The following ZP4 variants were observed in gnomAD, a reference collection of about 807,000 sequenced individuals.
The protein encoded by ZP4 is zona pellucida sperm-binding protein 4.
A neutral mutation model predicts 62.3 loss-of-function variants in ZP4; 62 were observed. The ratio of observed to expected loss-of-function variants is 0.99; its 90% CI spans 0.81 to 1.23. The LOEUF is 1.23. Ranked by LOEUF, ZP4 falls within the 50% of genes most tolerant of loss-of-function variation. ZP4 has a pLI of 0.00. For synonymous variants in ZP4, 289 were observed against 247.3 expected, an observed-to-expected ratio of 1.17 and a Z score of -1.58; for missense variants, 774 against 656.0, an observed-to-expected ratio of 1.18 and a Z score of -1.97.
At chr1:237,883,996 ACACACACACAC>A (rs1558530839) in intron 10 of ZP4, among the ~76,000 whole-genome samples, 17 of 71,408 alleles carry the variant, frequency 2.4e-4, no homozygotes, top group Admixed American at 8.2e-4. Context: ...ACACACACAC[ACACACACACAC>A]ACACACACAA....
rs761300373 is a variant in ZP4 at position 237,890,548 on chromosome 1, T to C, written c.88A>G (p.Ser30Gly). 1 of 1,614,090 alleles carries C rather than the reference T, an allele frequency of 6.2e-7. No homozygotes were observed. Among genetic ancestry groups the C allele is most frequent in the South Asian group, 1.1e-5 (1 of 91,070 alleles). ...QHKPEAPDYS[S>G]VLHCGPWSFQ... is the part of the protein sequence containing the mutation. ...CTCCACGGCCCACAGTGGAGCACAC[T>C]GGAATAATCTGGTGCCTCAGGCTTA... Residue 30 changes from serine (S) to glycine (G), a missense_variant, in exon 1 of 12, where the codon AGT (serine) becomes GGT (glycine). Coordinates refer to ENST00000366570, the MANE Select transcript of ZP4 (RefSeq NM_021186.5).
intron 3 of ZP4, among the ~76,000 whole-genome samples, 178 bp from the exon 4 acceptor site, chr1:237,888,688 G>A (rs1368913015): frequency 6.6e-6 from 1 of 152,180 alleles, no homozygotes; most frequent in Non-Finnish European, 1.5e-5. Flanking sequence ...GTCTTGGGAG[G>A]TTGTCAACAT....
chr1:237,889,367 G>A (rs931790863), intron 3 of ZP4, among the ~76,000 whole-genome samples: 1 of 144,390 alleles, frequency 6.9e-6, no homozygotes, highest in Non-Finnish European at 1.5e-5. Context: ...TGCCCAGGCT[G>A]TAGTGCAAGG....
Position 237,889,889 on chromosome 1 carries a change from G to A in ZP4, c.378C>T (p.Leu126=), listed in dbSNP as rs1234431197. 7 of 1,598,770 alleles carry A rather than the reference G, an allele frequency of 4.4e-6. No homozygotes were observed. Residue 126 remains leucine, a synonymous_variant, in exon 3 of 12, where the codon CTC becomes CTT. Coordinates refer to ENST00000366570, the MANE Select transcript of ZP4 (RefSeq NM_021186.5). ...EHKVVTERKL[L]KCPMDLLARD... ...TACCTAGAAGATCCATAGGACACTT[G>A]AGCAGCTTCCTCTCTGTAACCACCT...
At position 237,890,530 on chromosome 1, in the gene ZP4, G is replaced by A. The variant is rs1471770210; in HGVS notation, c.106C>T (p.Pro36Ser). The change falls in exon 1 of 12, where the codon CCG becomes TCG. Residue 36 changes from proline (P) to serine (S), a missense_variant. Physicochemically the swap from Pro to Ser is moderately conservative, Grantham distance 74. Transcript: ENST00000366570. Reference protein sequence around the residue: ...PDYSSVLHCGPWSFQFAVNLN... With the variant: ...PDYSSVLHCGSWSFQFAVNLN... ...TTTACAGCAAACTGGAAGCTCCACGGCCCACAGTGGAGCACACTGGAATAA... is the reference window on the plus strand; with the variant it reads ...TTTACAGCAAACTGGAAGCTCCACGACCCACAGTGGAGCACACTGGAATAA... 2 of 1,614,074 alleles carry A rather than the reference G, an allele frequency of 1.2e-6. No homozygotes were observed. Among genetic ancestry groups the A allele is most frequent in the Middle Eastern group, 1.7e-4 (1 of 6,060 alleles).
At chr1:237,883,983 A>ACACACAAAC (rs1665013477) in intron 10 of ZP4, among the ~76,000 whole-genome samples, 7 of 42,402 alleles carry the variant, frequency 1.7e-4, no homozygotes, top group South Asian at 8.6e-4. Context: ...CACACACACA[A>ACACACAAAC]ACACACACAC....
chr1:237,890,529 G>A lies in ZP4; in HGVS notation c.107C>T (p.Pro36Leu), dbSNP rs759879282. ...PDYSSVLHCGPWSFQFAVNLN... is the reference protein window; with the variant it reads ...PDYSSVLHCGLWSFQFAVNLN... ...GTTTACAGCAAACTGGAAGCTCCAC[G>A]GCCCACAGTGGAGCACACTGGAATA... is the stretch of plus-strand genomic sequence containing the variant. The change falls in exon 1 of 12, where the codon CCG becomes CTG. Residue 36 changes from proline (P) to leucine (L), a missense_variant. Pro to Leu is a moderately conservative substitution (Grantham distance 98, BLOSUM62 -3). Coordinates refer to ENST00000366570, the MANE Select transcript of ZP4 (RefSeq NM_021186.5). The A allele has an allele frequency of 9.3e-6, 15 of 1,614,020 alleles. No individual in the cohort carries two copies. Among genetic ancestry groups the A allele is most frequent in the South Asian group, 2.2e-5 (2 of 91,072 alleles).
intron 10 of ZP4, among the ~76,000 whole-genome samples, chr1:237,884,025 CACACACAA>C (rs1421419266): frequency 0.037 from 3,738 of 100,684 alleles, 106 homozygotes; most frequent in East Asian, 0.12. Flanking sequence ...CAAACACACA[CACACACAA>C]ACACACACAA....
intron 5 of ZP4, among the ~76,000 whole-genome samples, 170 bp from the exon 6 acceptor site, chr1:237,887,038 C>T (rs942438477): frequency 6.6e-5 from 10 of 152,124 alleles, no homozygotes; most frequent in African/African-American, 2.4e-4. Context: ...ATCACTTCGC[C>T]TTATCTCAGG....
intron 6 of ZP4, 33 bp downstream of exon 6, chr1:237,886,738 G>T: frequency 1.9e-6 from 3 of 1,569,720 alleles, no homozygotes; most frequent in Non-Finnish European, 2.6e-6. Flanking sequence ...CCACCTTATG[G>T]CAGATGGGAA....
chr1:237,884,641 C>G lies in ZP4; in HGVS notation c.1390+128G>C, dbSNP rs75316020. The G allele has an allele frequency of 2.0e-5, 16 of 791,572 alleles. No homozygotes were observed. In the East Asian group the frequency reaches 3.0e-4, roughly 15 times the overall value. 49.0% of individuals were successfully genotyped at this position (791,572 alleles called of 1,614,324 possible). Reference sequence around the variant, plus strand: ...GCTAGTCATCTTTGTTCTATGGCACCGCAAGTACTTAGAGAAGCCTTAGTA... The same window carrying G: ...GCTAGTCATCTTTGTTCTATGGCACGGCAAGTACTTAGAGAAGCCTTAGTA... On this transcript the variant is annotated intron_variant, in intron 10 of 11. Transcript: ENST00000366570.
chr1:237,884,051 CAAACACACACAAACACACACAA>C (rs1558531283), intron 10 of ZP4, among the ~76,000 whole-genome samples: 1 of 135,702 alleles, frequency 7.4e-6, no homozygotes, highest in African/African-American at 3.4e-5. Flanking sequence ...CAAACACACA[CAAACACACACAAACACACACAA>C]ACACACACAA....
At chr1:237,883,710 AGGGCGGGGG>A (rs1664982976) in intron 10 of ZP4, among the ~76,000 whole-genome samples, 1 of 17,482 alleles carries the variant, frequency 5.7e-5, no homozygotes, top group South Asian at 3.4e-3. Flanking sequence ...AGGGCGGGGG[AGGGCGGGGG>A]AGGGCGGGGG....
At chr1:237,888,322 C>T (rs1334547245) in intron 4 of ZP4, 36 bp downstream of exon 4, 3 of 1,505,480 alleles carry the variant, frequency 2.0e-6, no homozygotes, top group East Asian at 2.4e-5. Flanking sequence ...TGCCACACTT[C>T]CTCAGCTGGT....
rs1664941336 is a variant in ZP4 at position 237,882,550 on chromosome 1, C to T, written c.1496-1G>A. 1 of 1,593,924 alleles carries T rather than the reference C, an allele frequency of 6.3e-7. No homozygotes were observed. Among genetic ancestry groups the T allele is most frequent in the Non-Finnish European group, 8.5e-7 (1 of 1,172,932 alleles). On this transcript the variant is annotated splice_acceptor_variant, in intron 11 of 11. Transcript: ENST00000366570. LOFTEE classifies it high-confidence loss of function. ...AGAACTTTCGAGTCTACAGGAACACCTGGAGGATGGATGGAAAGGTAGGTT... is the reference window on the plus strand; with the variant it reads ...AGAACTTTCGAGTCTACAGGAACACTTGGAGGATGGATGGAAAGGTAGGTT...
intron 3 of ZP4, among the ~76,000 whole-genome samples, chr1:237,889,143 T>C (rs900343360): frequency 1.3e-5 from 2 of 152,086 alleles, no homozygotes; most frequent in Non-Finnish European, 2.9e-5. Context: ...TCAGTGCACA[T>C]CTAGCTCTGT....
intron 4 of ZP4, among the ~76,000 whole-genome samples, chr1:237,887,939 C>T (rs1036670396): frequency 2.0e-5 from 3 of 152,146 alleles, no homozygotes; most frequent in Non-Finnish European, 4.4e-5. Context: ...TGGCAAAAGC[C>T]GGGATTCCTC....
At chr1:237,888,228 T>A (rs114424460) in intron 4 of ZP4, 130 bp downstream of exon 4, 9,557 of 890,034 alleles carry the variant, frequency 0.011, 56 homozygotes, top group Non-Finnish European at 0.013. Context: ...GGATCAAGTG[T>A]TCTTGGATGC....
In ZP4 at chr1:237,882,525, A is replaced by G. The variant is rs750143556; in HGVS notation, c.1520T>C (p.Leu507Pro). ...KLRVPVDSKV[L>P]WVAGLSGTLI... ...GGTCCCAGAAAGGCCTGCCACCCAC[A>G]GAACTTTCGAGTCTACAGGAACACC... The change falls in exon 12 of 12, where the codon CTG becomes CCG. Residue 507 changes from leucine to proline, a missense_variant. Physicochemically the swap from Leu to Pro is moderately conservative, Grantham distance 98. Coordinates refer to ENST00000366570, the MANE Select transcript of ZP4 (RefSeq NM_021186.5). 10 of 1,604,958 alleles carry G rather than the reference A, an allele frequency of 6.2e-6. No individual in the cohort carries two copies. The East Asian group carries it at 2.2e-4, about 36-fold the overall frequency.
Sources: gnomAD v4.1 joint callset for allele counts (sites outside exome capture counted in the v4.1 genomes callset) on GRCh38, gnomAD v4.1.1 for gene constraint, MANE v1.5 for transcripts, NCBI Gene and HGNC (gene_info 2026-07-23, HGNC 2026-07-21) for gene names.